Variants in SPEF2 observed in about 807,000 individuals in gnomAD.
SPEF2 encodes the protein sperm flagella and cilia-associated protein 2.
Under a neutral mutation model 224.6 loss-of-function variants are expected in SPEF2, and 187 were observed. That is an observed-to-expected ratio of 0.83 (90% CI 0.74 to 0.94). The LOEUF is 0.94. Ranked by LOEUF, SPEF2 falls within the 40% of genes least tolerant of loss-of-function variation. The pLI is 0.00. For missense variants in SPEF2, 2,170 were observed against 2,135.6 expected, an observed-to-expected ratio of 1.02 and a Z score of -0.32; for synonymous variants, 715 against 707.3, an observed-to-expected ratio of 1.01 and a Z score of -0.17.
intron 21 of SPEF2, among the ~76,000 whole-genome samples, chr5:35,728,634 C>A (rs2149659113): frequency 6.6e-6 from 1 of 152,152 alleles, no homozygotes. Flanking sequence ...GTCTTCTCTC[C>A]CAATTAAATT....
At chr5:35,628,985 A>G (rs1744674206) in intron 2 of SPEF2, among the ~76,000 whole-genome samples, 1 of 152,024 alleles carries the variant, frequency 6.6e-6, no homozygotes, top group Non-Finnish European at 1.5e-5. Context: ...CAAACCTTGA[A>G]CACCCAAGCA....
intron 24 of SPEF2, 145 bp downstream of exon 24, chr5:35,753,906 C>A (rs1258269059): frequency 2.0e-6 from 2 of 1,009,844 alleles, no homozygotes; most frequent in Non-Finnish European, 2.8e-6. Context: ...AGCTCCAACT[C>A]ACCAAAAAAG....
In SPEF2 at chr5:35,771,600, C is replaced by T. The variant is rs562659413; in HGVS notation, c.3802-9C>T. The T allele has an allele frequency of 5.0e-5, 80 of 1,586,104 alleles. No homozygotes were observed. The highest frequency in any genetic ancestry group is 3.4e-4 in the Middle Eastern group (2 of 5,882). On this transcript the variant is annotated splice_polypyrimidine_tract_variant and intron_variant, in intron 26 of 36. Transcript: ENST00000356031. ...GACATTAACTGAAATATTGCTGTTA[C>T]GCAACCAGGTGGCTGCTGAAATTCA...
intron 30 of SPEF2, chr5:35,789,677 TAAATTGTGGC>T: frequency 3.1e-6 from 2 of 638,108 alleles, no homozygotes; most frequent in Non-Finnish European, 5.6e-6. Context: ...TTGGAAGTTT[TAAATTGTGGC>T]CCACAAAGAT....
At chr5:35,725,585 T>C (rs1744498439) in intron 20 of SPEF2, among the ~76,000 whole-genome samples, 2 of 152,150 alleles carry the variant, frequency 1.3e-5, no homozygotes, top group Non-Finnish European at 1.5e-5. Flanking sequence ...TTGATCCTCT[T>C]ATCTTAGAAT....
intron 26 of SPEF2, among the ~76,000 whole-genome samples, chr5:35,770,735 G>T (rs1210246531): frequency 6.6e-6 from 1 of 152,168 alleles, no homozygotes; most frequent in East Asian, 1.9e-4. Context: ...GAGGTGGAGG[G>T]ATACCTGCAG....
intron 1 of SPEF2, among the ~76,000 whole-genome samples, chr5:35,621,397 C>T (rs1219410034): frequency 1.3e-5 from 2 of 149,676 alleles, no homozygotes; most frequent in Admixed American, 1.3e-4. Flanking sequence ...GAGGAGAGGG[C>T]TTAGTAATTT....
intron 1 of SPEF2, among the ~76,000 whole-genome samples, chr5:35,626,546 A>G (rs16902352): frequency 0.095 from 14,497 of 152,216 alleles, 852 homozygotes; most frequent in East Asian, 0.18. Flanking sequence ...TGATCCATAG[A>G]CAAAAAAAGC....
intron 34 of SPEF2, among the ~76,000 whole-genome samples, chr5:35,803,518 TG>T (rs1193576861): frequency 6.6e-6 from 1 of 152,146 alleles, no homozygotes; most frequent in Non-Finnish European, 1.5e-5. Flanking sequence ...GAGCCTGGGA[TG>T]GAACACAGGG....
At chr5:35,806,090 A>G (rs1040621415) in intron 34 of SPEF2, among the ~76,000 whole-genome samples, 1 of 152,180 alleles carries the variant, frequency 6.6e-6, no homozygotes, top group Non-Finnish European at 1.5e-5. Context: ...CATAAGAAGA[A>G]TATATACATT....
chr5:35,658,035 A>G (rs540132094), intron 7 of SPEF2, among the ~76,000 whole-genome samples: 1 of 152,282 alleles, frequency 6.6e-6, no homozygotes, highest in South Asian at 2.1e-4. Context: ...ATATTTTTCT[A>G]TGTCTTCCCC....
intron 1 of SPEF2, among the ~76,000 whole-genome samples, chr5:35,625,178 TA>T (rs967138904): frequency 6.6e-6 from 1 of 152,212 alleles, no homozygotes; most frequent in African/African-American, 2.4e-5. Flanking sequence ...TTCAGACAGA[TA>T]TTTTGATACT....
At chr5:35,780,758 T>G (rs78567139) in intron 30 of SPEF2, among the ~76,000 whole-genome samples, 3,062 of 152,292 alleles carry the variant, frequency 0.02, 75 homozygotes, top group South Asian at 0.053. Context: ...GTGGTTTGCT[T>G]TAATCCTACA....
In SPEF2 at chr5:35,807,215, C is replaced by T. The variant is rs2149875188; in HGVS notation, c.5341C>T (p.Gln1781Ter). 6.2e-7 allele frequency: 1 copy of T among 1,613,768 alleles called. No individual in the cohort carries two copies. The highest frequency in any genetic ancestry group is 2.2e-5 in the East Asian group (1 of 44,862). The change falls in exon 36 of 37, where the codon CAA becomes TAA. Residue 1781 changes from glutamine (Q) to a stop codon, truncating the protein, a stop_gained. Coordinates refer to ENST00000356031, the MANE Select transcript of SPEF2 (RefSeq NM_024867.4). LOFTEE classifies it high-confidence loss of function. ...TGTTCTCTTGAAGCATCCTTTTATT[C>T]AAGACCTGATTTCAAATTATTCAGA... is the stretch of plus-strand genomic sequence containing the variant. ...VAVLLKHPFIQDLISNYSDYK... is the reference protein window; with the variant it reads ...VAVLLKHPFI
Position 35,641,541 on chromosome 5 carries a change from G to A in SPEF2, c.272G>A (p.Gly91Glu), listed in dbSNP as rs768320662. The A allele has an allele frequency of 6.2e-7, 1 of 1,613,746 alleles. No homozygotes were observed. Among genetic ancestry groups the A allele is most frequent in the Non-Finnish European group, 8.5e-7 (1 of 1,179,838 alleles). Residue 91 changes from glycine (G) to glutamate (E), a missense_variant, in exon 3 of 37, where the codon GGG becomes GAG. Coordinates refer to ENST00000356031, the MANE Select transcript of SPEF2 (RefSeq NM_024867.4). ...CATGGCATCATCACAGAAAAGCCTG[G>A]GGTGGCAACAAAGCTGTTATATCAA... ...VAHGIITEKP[G>E]VATKLLYQLY...
intron 36 of SPEF2, among the ~76,000 whole-genome samples, chr5:35,809,850 A>G (rs937890024): frequency 6.6e-6 from 1 of 152,174 alleles, no homozygotes; most frequent in Non-Finnish European, 1.5e-5. Context: ...ATTTTAGCTT[A>G]CATTCCCTGC....
intron 10 of SPEF2, among the ~76,000 whole-genome samples, chr5:35,685,298 AG>A (rs1405908241): frequency 6.6e-5 from 10 of 152,140 alleles, no homozygotes; most frequent in African/African-American, 2.4e-4. Context: ...TGTTTCAAAA[AG>A]TATTTTCTTA....
chr5:35,625,626 A>G (rs1055993747), intron 1 of SPEF2, among the ~76,000 whole-genome samples: 1 of 152,258 alleles, frequency 6.6e-6, no homozygotes, highest in Non-Finnish European at 1.5e-5. Context: ...AGATACATCC[A>G]TAGATGAATA....
intron 16 of SPEF2, among the ~76,000 whole-genome samples, chr5:35,701,737 T>C (rs907876483): frequency 1.1e-4 from 17 of 152,218 alleles, no homozygotes; most frequent in African/African-American, 4.1e-4. Context: ...ATTTCCACAC[T>C]GTAAAAAAGA....
Sources: allele counts gnomAD v4.1 joint callset (sites outside exome capture counted in the v4.1 genomes callset), GRCh38; gene constraint gnomAD v4.1.1; transcripts MANE v1.5; gene names NCBI Gene and HGNC (gene_info 2026-07-23, HGNC 2026-07-21).